Variants in RNF38 observed in about 807,000 individuals in gnomAD.
RNF38 encodes the protein ring finger protein 38.
RNF38 carries 15 observed loss-of-function variants against 67.2 expected under a neutral mutation model. The ratio of observed to expected loss-of-function variants is 0.22; its 90% CI spans 0.15 to 0.34. The LOEUF is 0.34. Among genes scored for constraint, RNF38 ranks in the 10% least tolerant of loss-of-function variants. The probability of loss-of-function intolerance (pLI) is 1.00; values close to 1 mark genes in which losing one functional copy is unlikely to be tolerated. For missense variants in RNF38, 524 were observed against 639.9 expected (o/e 0.82, Z 1.95); for synonymous variants, 220 against 218.8 (o/e 1.01, Z -0.05).
chr9:36,423,948 C>CAAAAAA (rs1176900248), intron 2 of RNF38, among the ~76,000 whole-genome samples: 11 of 7,354 alleles, frequency 1.5e-3, no homozygotes, highest in Admixed American at 3.3e-3. Context: ...GACTCCGTCT[C>CAAAAAA]AAAAAAAAAA....
intron 10 of RNF38, 152 bp from the exon 11 acceptor site, chr9:36,342,576 T>G: frequency 1.7e-6 from 1 of 605,510 alleles, no homozygotes; most frequent in Admixed American, 2.9e-5. Context: ...AAAATTGTGA[T>G]GTTAAGGCAG....
chr9:36,443,118 C>T (rs1032175461), intron 1 of RNF38, among the ~76,000 whole-genome samples: 16 of 152,174 alleles, frequency 1.1e-4, no homozygotes, highest in Admixed American at 9.8e-4. Context: ...TGCCTTAAAA[C>T]GTTATTTTTA....
intron 11 of RNF38, among the ~76,000 whole-genome samples, chr9:36,341,956 T>C (rs1832884221): frequency 1.3e-5 from 2 of 152,070 alleles, no homozygotes; most frequent in Non-Finnish European, 2.9e-5. Flanking sequence ...AAGGAGAAAA[T>C]GGTCAGAATT....
At chr9:36,347,992 C>T (rs1051579692) in intron 9 of RNF38, among the ~76,000 whole-genome samples, 3 of 152,146 alleles carry the variant, frequency 2.0e-5, no homozygotes, top group Non-Finnish European at 2.9e-5. Context: ...GGGAGAATGA[C>T]GTGAACCCAG....
chr9:36,482,399 C>T (rs1488698614), intron 1 of RNF38, among the ~76,000 whole-genome samples: 6 of 136,406 alleles, frequency 4.4e-5, no homozygotes, highest in African/African-American at 1.4e-4. Flanking sequence ...GTTGCCCAGG[C>T]TGGAGTGCAG....
chr9:36,454,329 A>G (rs1242076965), intron 1 of RNF38, among the ~76,000 whole-genome samples: 2 of 151,920 alleles, frequency 1.3e-5, no homozygotes, highest in African/African-American at 4.8e-5. Context: ...GGTTTTGCCA[A>G]TGTTGGCCAG....
chr9:36,433,147 T>C (rs1461258678), intron 1 of RNF38, among the ~76,000 whole-genome samples: 1 of 141,884 alleles, frequency 7.0e-6, no homozygotes, highest in Non-Finnish European at 1.5e-5. Context: ...GAGGAGGGGC[T>C]GGGTGGGGGA....
chr9:36,461,819 T>C (rs931226922), intron 1 of RNF38, among the ~76,000 whole-genome samples: 1 of 152,194 alleles, frequency 6.6e-6, no homozygotes, highest in Non-Finnish European at 1.5e-5. Context: ...AGAAATAGTT[T>C]TGCAGATAAT....
chr9:36,446,919 G>A (rs1006636687), intron 1 of RNF38, among the ~76,000 whole-genome samples: 1 of 148,410 alleles, frequency 6.7e-6, no homozygotes, highest in African/African-American at 2.5e-5. Context: ...TCAGGAGTTC[G>A]AGACCAATCT....
chr9:36,487,068 G>C (rs1840431696), intron 1 of RNF38, among the ~76,000 whole-genome samples: 1 of 152,214 alleles, frequency 6.6e-6, no homozygotes, highest in African/African-American at 2.4e-5. Flanking sequence ...CAGAGACCTA[G>C]AGAGGTCCTG....
At chr9:36,436,942 T>G (rs925127046) in intron 1 of RNF38, among the ~76,000 whole-genome samples, 1 of 152,182 alleles carries the variant, frequency 6.6e-6, no homozygotes, top group Non-Finnish European at 1.5e-5. Flanking sequence ...TCTGACTTCC[T>G]AGTTCTAAAA....
In RNF38 at chr9:36,487,429, G is replaced by T. The variant is rs572577430; in HGVS notation, n.120C>A. 1,720 of 980,458 alleles carry T rather than the reference G, an allele frequency of 1.8e-3. 30 individuals are homozygous for T. The African/African-American group carries it at 0.028, about 16-fold the overall frequency. The allele number at this position is 980,458 out of a possible 1,614,324, so 60.7% of individuals were successfully genotyped here. A position where few individuals can be genotyped will look rare whatever the true frequency, so the allele number is the denominator to read the frequency against. On this transcript the variant is annotated non_coding_transcript_exon_variant, in exon 1 of 4. Coordinates refer to the RNF38 transcript ENST00000488058. Reference sequence around the variant, plus strand: ...CCGGCCGGGGCGGCGGCGGTGGGGGGCGCGGGCGGCGCGGGGGCCCAAGCT... The same window carrying T: ...CCGGCCGGGGCGGCGGCGGTGGGGGTCGCGGGCGGCGCGGGGGCCCAAGCT...
intron 1 of RNF38, among the ~76,000 whole-genome samples, chr9:36,484,537 G>A (rs1259151788): frequency 2.6e-5 from 4 of 151,970 alleles, no homozygotes; most frequent in Admixed American, 2.6e-4. Context: ...CTTAATTTAC[G>A]ATTACCTGAT....
In RNF38 at chr9:36,369,253, T is replaced by A. The variant is rs1289600850; in HGVS notation, c.570+466A>T. Among the ~76,000 whole-genome samples the A allele has an allele frequency of 2.0e-5, 3 of 152,302 alleles. No individual in the cohort carries two copies. The South Asian group carries it at 6.2e-4, about 32-fold the overall frequency. The stretch of plus-strand genomic sequence containing the variant: ...CATAACCTTGATCCTTTTTTTTAAT[T>A]TTTTGAGACGAAGTCTCGTTCTGCC... On this transcript the variant is annotated intron_variant, in intron 4 of 11. Transcript: ENST00000259605.
upstream of RNF38, chr9:36,400,332 C>T (rs1587618160): frequency 5.6e-6 from 7 of 1,248,982 alleles, no homozygotes; most frequent in Non-Finnish European, 7.1e-6. Flanking sequence ...TCACCTGCGT[C>T]TCGGCAAAAA....
At chr9:36,486,336 C>T (rs1230399762) in intron 1 of RNF38, among the ~76,000 whole-genome samples, 1 of 152,074 alleles carries the variant, frequency 6.6e-6, no homozygotes, top group African/African-American at 2.4e-5. Flanking sequence ...GCGGGTGACT[C>T]GGTCCCAATC....
chr9:36,480,661 C>T (rs900741631), intron 1 of RNF38, among the ~76,000 whole-genome samples: 3 of 147,650 alleles, frequency 2.0e-5, no homozygotes, highest in East Asian at 2.0e-4. Flanking sequence ...AAGCGATTCT[C>T]GTGCCTCAGC....
intron 9 of RNF38, among the ~76,000 whole-genome samples, chr9:36,349,564 C>T (rs142387614): frequency 0.01 from 1,559 of 152,234 alleles, 11 homozygotes; most frequent in Non-Finnish European, 0.014. Flanking sequence ...TTTCTCCCAA[C>T]CTGTAGTCTG....
At chr9:36,400,340 A>T, upstream of RNF38, 1 of 1,244,862 alleles carries the variant, frequency 8.0e-7, no homozygotes, top group East Asian at 3.2e-5. Flanking sequence ...GTCTCGGCAA[A>T]AAGGGAGGGA....
Sources: allele counts gnomAD v4.1 joint callset (sites outside exome capture counted in the v4.1 genomes callset), GRCh38; gene constraint gnomAD v4.1.1; transcripts MANE v1.5; gene names NCBI Gene and HGNC (gene_info 2026-07-23, HGNC 2026-07-21).